The following LCA5 variants were observed in gnomAD, a reference collection of about 807,000 sequenced individuals.
LCA5 encodes lebercilin LCA5.
In LCA5, 37 loss-of-function variants were observed where a neutral mutation model predicts 53.0. The observed-to-expected ratio is 0.70, with a 90% CI of 0.54 to 0.92. LCA5 has a LOEUF of 0.92. Among genes scored for constraint, LCA5 ranks in the 40% least tolerant of loss-of-function variants. The pLI is 0.00. For missense variants in LCA5, 806 were observed against 790.5 expected (o/e 1.02, Z -0.23); for synonymous variants, 303 against 282.9 (o/e 1.07, Z -0.71).
chr6:79,497,263 T>G (rs1770005248), intron 3 of LCA5, among the ~76,000 whole-genome samples: 1 of 152,190 alleles, frequency 6.6e-6, no homozygotes, highest in African/African-American at 2.4e-5. Context: ...CAGCTCCACA[T>G]AGACTGCTTA....
chr6:79,513,223 T>C lies in LCA5; in HGVS notation c.709A>G (p.Arg237Gly), dbSNP rs1766292856. 6.2e-7 allele frequency: 1 copy of C among 1,613,274 alleles called. No individual in the cohort carries two copies. The highest frequency in any genetic ancestry group is 1.3e-5 in the African/African-American group (1 of 74,974). ...SAELKLDDTE[R>G]RIKELSKNLE... The stretch of plus-strand genomic sequence containing the variant: ...TGTAGAAATTGTACCTTAATTCTTC[T>C]CTCGGTGTCATCTAACTTTAACTCT... Residue 237 changes from arginine to glycine, a missense_variant, in exon 3 of 8, where the codon AGA (arginine) becomes GGA (glycine). Physicochemically the swap from Arg to Gly is moderately radical, Grantham distance 125. Transcript: ENST00000369846.
intron 1 of LCA5, among the ~76,000 whole-genome samples, chr6:79,532,230 C>A (rs1766979854): frequency 6.6e-6 from 1 of 152,186 alleles, no homozygotes; most frequent in Non-Finnish European, 1.5e-5. Context: ...TTACTGTCCA[C>A]AGTGCTACTG....
At chr6:79,508,393 C>T (rs1024158004) in intron 3 of LCA5, among the ~76,000 whole-genome samples, 4 of 152,108 alleles carry the variant, frequency 2.6e-5, no homozygotes, top group Admixed American at 2.0e-4. Flanking sequence ...TAAGCCTGTA[C>T]CCAACTTACA....
chr6:79,514,300 G>A (rs1766360910), intron 2 of LCA5, among the ~76,000 whole-genome samples: 1 of 151,796 alleles, frequency 6.6e-6, no homozygotes, highest in Non-Finnish European at 1.5e-5. Flanking sequence ...CTTTTTAATG[G>A]GGTACAATGA....
At chr6:79,504,306 C>A (rs1770219742) in intron 3 of LCA5, among the ~76,000 whole-genome samples, 1 of 152,076 alleles carries the variant, frequency 6.6e-6, no homozygotes, top group Non-Finnish European at 1.5e-5. Context: ...AAACAAAAGC[C>A]AACATATATA....
At chr6:79,508,994 A>G (rs1770340007) in intron 3 of LCA5, among the ~76,000 whole-genome samples, 1 of 152,202 alleles carries the variant, frequency 6.6e-6, no homozygotes. Context: ...GATGTACATA[A>G]TGGGTTAAAA....
chr6:79,506,849 G>T (rs556524391), intron 3 of LCA5, among the ~76,000 whole-genome samples: 1 of 152,242 alleles, frequency 6.6e-6, no homozygotes, highest in East Asian at 1.9e-4. Context: ...TACACGTTTG[G>T]AAAGTCTGTA....
intron 2 of LCA5, among the ~76,000 whole-genome samples, chr6:79,516,517 G>GT (rs1364289682): frequency 4.6e-5 from 7 of 151,820 alleles, no homozygotes; most frequent in Non-Finnish European, 1.0e-4. Flanking sequence ...ATAAAAAAGG[G>GT]TTTCCATAAC....
intron 3 of LCA5, among the ~76,000 whole-genome samples, chr6:79,504,659 G>A (rs1308483092): frequency 6.6e-6 from 1 of 152,088 alleles, no homozygotes; most frequent in East Asian, 1.9e-4. Context: ...AAACTTTTAG[G>A]CCAAACTTAA....
chr6:79,525,317 G>A (rs1766751219), intron 1 of LCA5: 1 of 152,126 alleles, frequency 6.6e-6, no homozygotes, highest in South Asian at 2.1e-4. Context: ...CCACTCCTAG[G>A]AAATCCCCTC....
chr6:79,513,592 C>A lies in LCA5; in HGVS notation c.340G>T (p.Glu114Ter). The A allele has an allele frequency of 6.2e-7, 1 of 1,613,904 alleles. No individual in the cohort carries two copies. Among genetic ancestry groups the A allele is most frequent in the Non-Finnish European group, 8.5e-7 (1 of 1,179,866 alleles). ...AGTTCAGATACTTCATTCTGCAACT[C>A]ATTGATTTTTAGCAGTCTTGCAGAC... ...ILSARLLKIN[E>*]LQNEVSELQV... The change falls in exon 3 of 8, where the codon GAG (glutamate) becomes TAG (stop). Residue 114 changes from glutamate to a stop codon, truncating the protein, a stop_gained. Coordinates refer to ENST00000369846, the MANE Select transcript of LCA5 (RefSeq NM_001122769.3). LOFTEE classifies it high-confidence loss of function.
At position 79,487,256 on chromosome 6, in the gene LCA5, G is replaced by C. The variant is rs1280856800; in HGVS notation, c.1842C>G (p.Ser614Arg). ...LMEQLFGASG[S>R]STISSKSSDP... is the part of the protein sequence containing the mutation. ...CACTGCTTTTGGAGGAAATGGTGCT[G>C]CTACCACTGGCACCAAATAACTGTT... is the stretch of plus-strand genomic sequence containing the variant. The change falls in exon 8 of 8, where the codon AGC becomes AGG. Residue 614 changes from serine (S) to arginine (R), a missense_variant. Ser to Arg is a moderately radical substitution (Grantham distance 110, BLOSUM62 -1). Transcript: ENST00000369846. The C allele has an allele frequency of 1.2e-6, 2 of 1,613,900 alleles. No individual in the cohort carries two copies. The highest frequency in any genetic ancestry group is 2.2e-5 in the South Asian group (2 of 91,078).
At chr6:79,526,468 C>G (rs1766793343) in intron 1 of LCA5, among the ~76,000 whole-genome samples, 1 of 152,002 alleles carries the variant, frequency 6.6e-6, no homozygotes, top group South Asian at 2.1e-4. Flanking sequence ...GGCGTGAACC[C>G]AGGAGGCAGA....
intron 3 of LCA5, among the ~76,000 whole-genome samples, chr6:79,512,784 C>T (rs1024807522): frequency 3.9e-5 from 6 of 152,020 alleles, no homozygotes; most frequent in Non-Finnish European, 8.8e-5. Flanking sequence ...ATTTTTCATT[C>T]GGGGGAGGAG....
intron 3 of LCA5, among the ~76,000 whole-genome samples, chr6:79,500,394 T>C (rs1365221854): frequency 2.0e-5 from 3 of 152,202 alleles, no homozygotes; most frequent in African/African-American, 4.8e-5. Flanking sequence ...GATAAGTTAT[T>C]TTACCTTCAT....
At chr6:79,507,321 C>G (rs1039633422) in intron 3 of LCA5, among the ~76,000 whole-genome samples, 10 of 151,932 alleles carry the variant, frequency 6.6e-5, no homozygotes, top group Non-Finnish European at 1.5e-4. Context: ...CTGCTTATTA[C>G]TAAGTGAATT....
chr6:79,534,099 GAAGTA>G (rs1360565334), intron 1 of LCA5, among the ~76,000 whole-genome samples: 1 of 149,488 alleles, frequency 6.7e-6, no homozygotes, highest in Non-Finnish European at 1.5e-5. Flanking sequence ...AAGGAGAAAT[GAAGTA>G]AAGTGTTCCA....
chr6:79,520,502 T>C (rs1766595629), intron 1 of LCA5, among the ~76,000 whole-genome samples: 2 of 152,170 alleles, frequency 1.3e-5, no homozygotes, highest in Non-Finnish European at 2.9e-5. Context: ...TCCATTAACA[T>C]ATTCTGGTTT....
intron 3 of LCA5, among the ~76,000 whole-genome samples, chr6:79,504,799 C>T (rs905016638): frequency 2.6e-5 from 4 of 151,950 alleles, no homozygotes; most frequent in Non-Finnish European, 4.4e-5. Flanking sequence ...TGATTTTTTT[C>T]GTGTGTGTGC....
Sources: gnomAD v4.1 joint callset for allele counts (sites outside exome capture counted in the v4.1 genomes callset) on GRCh38, gnomAD v4.1.1 for gene constraint, MANE v1.5 for transcripts, NCBI Gene and HGNC (gene_info 2026-07-23, HGNC 2026-07-21) for gene names.